The following NCAPD3 variants were observed in gnomAD, a reference collection of about 807,000 sequenced individuals.
NCAPD3 encodes the protein non-SMC condensin II complex subunit D3.
In NCAPD3, 105 loss-of-function variants were observed where a neutral mutation model predicts 182.9. The ratio of observed to expected loss-of-function variants is 0.57; its 90% CI spans 0.49 to 0.68. The LOEUF (loss-of-function observed/expected upper bound fraction) is 0.68. Ranked by LOEUF, NCAPD3 falls within the 30% of genes least tolerant of loss-of-function variation. The pLI, the probability that NCAPD3 is intolerant of heterozygous loss-of-function variation, is 0.00. For missense variants in NCAPD3, 1,944 were observed against 1,837.0 expected (o/e 1.06, Z -1.07); for synonymous variants, 815 against 679.9 (o/e 1.20, Z -3.09).
Position 134,153,069 on chromosome 11 carries a change from T to C in NCAPD3, c.4389-17A>G. 6.2e-7 allele frequency: 1 copy of C among 1,610,618 alleles called. No homozygotes were observed. The highest frequency in any genetic ancestry group is 8.5e-7 in the Non-Finnish European group (1 of 1,177,372). ...TGTGGGGGCCTAGGGAAAGGACATG[T>C]GCAGTCATTCTGGAACTCAGAAAAA... On this transcript the variant is annotated splice_polypyrimidine_tract_variant and intron_variant, in intron 34 of 34. Coordinates refer to ENST00000534548, the MANE Select transcript of NCAPD3 (RefSeq NM_015261.3).
intron 24 of NCAPD3, among the ~76,000 whole-genome samples, chr11:134,175,361 T>C (rs1032141075): frequency 1.3e-5 from 2 of 152,196 alleles, no homozygotes; most frequent in African/African-American, 4.8e-5. Context: ...TAAGAGGGTG[T>C]GTGAAGCTAT....
chr11:134,194,819 A>G, intron 13 of NCAPD3, 81 bp from the exon 14 acceptor site: 1 of 864,624 alleles, frequency 1.2e-6, no homozygotes, highest in African/African-American at 1.7e-5. Context: ...AATACCCAGA[A>G]AATACACTCA....
chr11:134,167,818 G>A (rs1943898099), intron 27 of NCAPD3, among the ~76,000 whole-genome samples, 178 bp downstream of exon 27: 1 of 144,052 alleles, frequency 6.9e-6, no homozygotes, highest in Non-Finnish European at 1.5e-5. Flanking sequence ...GCTTAGGGGA[G>A]CAGCACACTC....
chr11:134,157,808 T>A (rs1444066447), intron 31 of NCAPD3, 120 bp downstream of exon 31: 1 of 1,126,608 alleles, frequency 8.9e-7, no homozygotes, highest in Non-Finnish European at 1.2e-6. Context: ...AAAAGCCCAA[T>A]TAACGTTATT....
chr11:134,167,516 C>T (rs376004588), intron 27 of NCAPD3, among the ~76,000 whole-genome samples: 34 of 74,338 alleles, frequency 4.6e-4, no homozygotes, highest in South Asian at 5.1e-4. Flanking sequence ...GAGATGAGCT[C>T]AGGGGAGCTG....
chr11:134,162,190 C>A (rs995783889), intron 27 of NCAPD3, among the ~76,000 whole-genome samples: 5 of 152,176 alleles, frequency 3.3e-5, no homozygotes, highest in Non-Finnish European at 7.4e-5. Context: ...CCCCAAATCT[C>A]CACAGAAGAC....
intron 8 of NCAPD3, among the ~76,000 whole-genome samples, chr11:134,205,954 C>T (rs1412884809): frequency 6.6e-6 from 1 of 152,134 alleles, no homozygotes; most frequent in Non-Finnish European, 1.5e-5. Context: ...TGCACATGCA[C>T]ACCATGTCTC....
intron 27 of NCAPD3, among the ~76,000 whole-genome samples, chr11:134,166,598 T>C (rs535289490): frequency 7.8e-5 from 2 of 25,670 alleles, no homozygotes; most frequent in African/African-American, 5.1e-4. Context: ...GCACACTCAC[T>C]AGTGAGATGA....
rs1317024853 is a variant in NCAPD3, at chr11:134,159,053, TTTACCATTCATCCACTGATG to T, written c.3868-578_3868-559del. Among the ~76,000 whole-genome samples, 5 of 152,360 alleles carry T rather than the reference TTTACCATTCATCCACTGATG, an allele frequency of 3.3e-5. No homozygotes were observed. In the East Asian group the frequency reaches 9.6e-4, roughly 29 times the overall value. On this transcript the variant is annotated intron_variant, in intron 29 of 34. Transcript: ENST00000534548. ...TCCACTGTATATGCACCCCATTTTC[TTTACCATTCATCCACTGATG>T]GACATTTGTTTCCAAATTTTGCTAT...
intron 16 of NCAPD3, among the ~76,000 whole-genome samples, chr11:134,191,979 C>A (rs1944533567): frequency 6.6e-6 from 1 of 152,210 alleles, no homozygotes. Flanking sequence ...CCACTTGTGG[C>A]ATCATGCTGA....
intron 4 of NCAPD3, among the ~76,000 whole-genome samples, chr11:134,210,062 A>C (rs1237334832): frequency 1.3e-5 from 2 of 151,736 alleles, no homozygotes; most frequent in Non-Finnish European, 2.9e-5. Context: ...TCTCAAAAAG[A>C]AAAAGAAAAA....
rs769801144 is a variant in NCAPD3, at chr11:134,204,944, A to G, written c.1044T>C (p.Ser348=). 2 of 1,613,798 alleles carry G rather than the reference A, an allele frequency of 1.2e-6. No homozygotes were observed. Among genetic ancestry groups the G allele is most frequent in the South Asian group, 2.2e-5 (2 of 91,066 alleles). Residue 348 remains serine, a synonymous_variant, in exon 9 of 35, where the codon AGT becomes AGC. Coordinates refer to ENST00000534548, the MANE Select transcript of NCAPD3 (RefSeq NM_015261.3). This position sits in a 1 kb window ranked among gnomAD's most constrained non-coding sequence, Gnocchi z 4.3. ...GTAAGATACGGACGACTGGGAATAT[A>G]CTCTCCTTTAATTCATCCACAAGGG... ...ISALVDELKE[S]IFPVVRILLQ... is the part of the protein sequence containing the mutation.
chr11:134,153,015 CG>C lies in NCAPD3; in HGVS notation c.4425del (p.Ala1476ProfsTer19). On this transcript the variant is annotated frameshift_variant, in exon 35 of 35. Transcript: ENST00000534548. LOFTEE classifies it high-confidence loss of function. ...CAGGCTGGAGTGTCTTTATTCCTGG[CG>C]GGAGACCGCACATTCCACTGCTGAG... ...PQPQQWNVRS[P>X]ARNKDTPACS... 6.3e-7 allele frequency: 1 copy of C among 1,592,468 alleles called. No homozygotes were observed. Among genetic ancestry groups the C allele is most frequent in the South Asian group, 1.1e-5 (1 of 88,022 alleles).
intron 3 of NCAPD3, among the ~76,000 whole-genome samples, chr11:134,214,007 GAAC>G (rs1010989678): frequency 2.0e-5 from 3 of 151,484 alleles, no homozygotes; most frequent in African/African-American, 7.3e-5. Context: ...ACAACAGATA[GAAC>G]AAATAAACAG....
rs7928258 is a variant in NCAPD3, at chr11:134,163,984, G to A, written c.3574-2093C>T. On this transcript the variant is annotated intron_variant, in intron 27 of 34. Transcript: ENST00000534548. Reference sequence around the variant, plus strand: ...ACAGAAAGGGTGGTAAGGAAACCATGGAAATGGGATAAGCTTAAATAAGGT... The same window carrying A: ...ACAGAAAGGGTGGTAAGGAAACCATAGAAATGGGATAAGCTTAAATAAGGT... Among the ~76,000 whole-genome samples, 541 of 152,184 alleles carry A rather than the reference G, an allele frequency of 3.6e-3. 4 individuals carry two copies. The highest frequency in any genetic ancestry group is 0.012 in the African/African-American group (513 of 41,528).
chr11:134,188,946 G>A (rs1223701077), intron 16 of NCAPD3, among the ~76,000 whole-genome samples: 1 of 152,104 alleles, frequency 6.6e-6, no homozygotes, highest in Non-Finnish European at 1.5e-5. Context: ...CACTCTCCTG[G>A]CACCATGATC....
At chr11:134,168,707 G>A (rs771559698) in intron 25 of NCAPD3, 105 bp from the exon 26 acceptor site, 16 of 1,487,250 alleles carry the variant, frequency 1.1e-5, no homozygotes, top group East Asian at 2.3e-5. Context: ...AAAGACTCCA[G>A]TGCACTACAG....
At chr11:134,160,494 G>A (rs1943547559) in intron 28 of NCAPD3, among the ~76,000 whole-genome samples, 1 of 152,154 alleles carries the variant, frequency 6.6e-6, no homozygotes, top group Non-Finnish European at 1.5e-5. Flanking sequence ...GTCCCAGGAT[G>A]CATGGATCTA....
At chr11:134,209,057 T>G (rs967463118) in intron 6 of NCAPD3, 88 bp downstream of exon 6, 4 of 1,470,302 alleles carry the variant, frequency 2.7e-6, no homozygotes, top group South Asian at 2.4e-5. Context: ...TGTGTGCCAA[T>G]TGGGATAAAA....
Sources: gnomAD v4.1 joint callset for allele counts (sites outside exome capture counted in the v4.1 genomes callset) on GRCh38, gnomAD v4.1.1 for gene constraint, Gnocchi (gnomAD v3.1) non-coding constraint, MANE v1.5 for transcripts, NCBI Gene and HGNC (gene_info 2026-07-23, HGNC 2026-07-21) for gene names.